The following TMEM178B variants were observed in gnomAD, a reference collection of about 807,000 sequenced individuals.
TMEM178B encodes transmembrane protein 178B.
Under a neutral mutation model 31.0 loss-of-function variants are expected in TMEM178B, and 5 were observed. The ratio of observed to expected loss-of-function variants is 0.16; its 90% CI spans 0.08 to 0.34. The LOEUF is 0.34. TMEM178B is among the 10% of genes least tolerant of loss of function. The pLI is 1.00. For synonymous variants in TMEM178B, 164 were observed against 164.0 expected (o/e 1.00, Z 0.00); for missense variants, 275 against 400.3 (o/e 0.69, Z 2.67).
At chr7:141,272,115 A>G (rs749193345) in intron 2 of TMEM178B, among the ~76,000 whole-genome samples, 2 of 152,172 alleles carry the variant, frequency 1.3e-5, no homozygotes, top group Non-Finnish European at 2.9e-5. Context: ...ACTGCTTACC[A>G]TTCACTGCCT....
At position 141,111,573 on chromosome 7, in the gene TMEM178B, G is replaced by A. The variant is rs146344592; in HGVS notation, c.382+36881G>A. 2.6e-5 allele frequency among the ~76,000 whole-genome samples: 4 copies of A among 152,304 alleles called. 1 individual carries two copies. Among genetic ancestry groups the A allele is most frequent in the African/African-American group, 9.6e-5 (4 of 41,574 alleles). On this transcript the variant is annotated intron_variant, in intron 1 of 3. Transcript: ENST00000565468. Reference sequence around the variant, plus strand: ...TGCTTTCTTTGCTGACAATTCATTAGCCTAGGGAAAGTCCCTTAAATATAG... The same window carrying A: ...TGCTTTCTTTGCTGACAATTCATTAACCTAGGGAAAGTCCCTTAAATATAG...
At position 141,472,337 on chromosome 7, in the gene TMEM178B, A is replaced by T. The variant is rs1249072223; in HGVS notation, c.*1551A>T. On this transcript the variant is annotated 3_prime_UTR_variant, in exon 4 of 4. Transcript: ENST00000565468. ...TATTCAAGGCCATGAATCCCAAAAT[A>T]ACAGTCTTAGTGGCTAGCACCCAAA... is the stretch of plus-strand genomic sequence containing the variant. 6.6e-6 allele frequency: 1 copy of T among 152,178 alleles called. No individual in the cohort carries two copies. The highest frequency in any genetic ancestry group is 1.9e-4 in the East Asian group (1 of 5,190). The allele number at this position is 152,178 out of a possible 1,614,324, so 9.4% of individuals were successfully genotyped here. A position where few individuals can be genotyped will look rare whatever the true frequency, so the allele number is the denominator to read the frequency against.
chr7:141,505,026 C>T, the TMEM178B span, among the ~76,000 whole-genome samples: 2 of 152,176 alleles, frequency 1.3e-5, no homozygotes, highest in Admixed American at 1.3e-4. Flanking sequence ...TATTTCCTTA[C>T]AGAAATAGAT....
At chr7:141,183,054 A>G (rs1005678172) in intron 1 of TMEM178B, among the ~76,000 whole-genome samples, 12 of 152,216 alleles carry the variant, frequency 7.9e-5, no homozygotes, top group Non-Finnish European at 1.3e-4. Context: ...AGACCTTTTT[A>G]CTGGAGAATC....
chr7:141,139,656 A>G (rs1254678604), intron 1 of TMEM178B, among the ~76,000 whole-genome samples: 1 of 152,100 alleles, frequency 6.6e-6, no homozygotes, highest in African/African-American at 2.4e-5. Context: ...ATTTGCTTTT[A>G]TGAAATGAAT....
chr7:141,460,894 C>T lies in TMEM178B; in HGVS notation c.635-9642C>T, dbSNP rs140417906. On this transcript the variant is annotated intron_variant, in intron 3 of 3. Transcript: ENST00000565468. ...ACATCCACCCTCCCCTGCCTCATCC[C>T]GACAAATCCCTAAGGCGCCTTTGAT... 1.9e-3 allele frequency among the ~76,000 whole-genome samples: 284 copies of T among 152,322 alleles called. 3 individuals carry two copies. The highest frequency in any genetic ancestry group is 6.5e-3 in the African/African-American group (271 of 41,570).
chr7:141,228,199 C>A (rs1489015768), intron 2 of TMEM178B, among the ~76,000 whole-genome samples: 1 of 151,976 alleles, frequency 6.6e-6, no homozygotes, highest in African/African-American at 2.4e-5. Context: ...GATCATTAAT[C>A]CATAAAAATA....
At chr7:141,101,038 C>T (rs931441660) in intron 1 of TMEM178B, among the ~76,000 whole-genome samples, 3 of 152,166 alleles carry the variant, frequency 2.0e-5, no homozygotes, top group Non-Finnish European at 2.9e-5. Flanking sequence ...TTACACCACT[C>T]CCTGGATCTT....
At chr7:141,499,595 A>G in the TMEM178B span, among the ~76,000 whole-genome samples, 5 of 152,134 alleles carry the variant, frequency 3.3e-5, no homozygotes, top group East Asian at 9.6e-4. Flanking sequence ...GCCATTTTCA[A>G]GCCACTGTAC....
chr7:141,261,750 A>G (rs969984845), intron 2 of TMEM178B, among the ~76,000 whole-genome samples: 1 of 152,124 alleles, frequency 6.6e-6, no homozygotes, highest in Non-Finnish European at 1.5e-5. Context: ...TCCAAAAGTG[A>G]AAAGAAGTGG....
intron 3 of TMEM178B, among the ~76,000 whole-genome samples, chr7:141,440,172 G>T (rs1240455033): frequency 6.6e-6 from 1 of 152,248 alleles, no homozygotes; most frequent in African/African-American, 2.4e-5. Context: ...CTTGGACCGT[G>T]CTGAGGCACC....
intron 3 of TMEM178B, among the ~76,000 whole-genome samples, chr7:141,447,955 G>C (rs1001057657): frequency 6.6e-6 from 1 of 151,906 alleles, no homozygotes; most frequent in South Asian, 2.1e-4. Flanking sequence ...ATTGTCCCAC[G>C]CTTAAATGCC....
At chr7:141,360,870 G>A (rs2116546354) in intron 2 of TMEM178B, among the ~76,000 whole-genome samples, 1 of 152,004 alleles carries the variant, frequency 6.6e-6, no homozygotes, top group Non-Finnish European at 1.5e-5. Flanking sequence ...GACATTTTTA[G>A]GAACAAAATA....
intron 1 of TMEM178B, among the ~76,000 whole-genome samples, chr7:141,154,740 T>C (rs1327222198): frequency 1.3e-5 from 2 of 151,902 alleles, no homozygotes; most frequent in African/African-American, 4.8e-5. Flanking sequence ...ACTTTTTTTT[T>C]TTTTTTTGAG....
At chr7:141,126,468 G>C (rs1795498289) in intron 1 of TMEM178B, among the ~76,000 whole-genome samples, 1 of 152,190 alleles carries the variant, frequency 6.6e-6, no homozygotes, top group Non-Finnish European at 1.5e-5. Context: ...TACGTGGAAG[G>C]CTGTCATATA....
At chr7:141,411,694 G>C (rs553881510) in intron 2 of TMEM178B, among the ~76,000 whole-genome samples, 6 of 152,326 alleles carry the variant, frequency 3.9e-5, no homozygotes, top group Admixed American at 2.0e-4. Context: ...GCACATTTAT[G>C]GAGATGGTGT....
At chr7:141,498,980 C>T in the TMEM178B span, among the ~76,000 whole-genome samples, 1 of 152,166 alleles carries the variant, frequency 6.6e-6, no homozygotes, top group Non-Finnish European at 1.5e-5. Flanking sequence ...CTAAATTAGA[C>T]TTACTTAAAA....
chr7:141,324,416 GTTTTTTTT>G (rs56316531), intron 2 of TMEM178B, among the ~76,000 whole-genome samples: 48 of 85,778 alleles, frequency 5.6e-4, no homozygotes, highest in African/African-American at 1.9e-3. Context: ...GGAGACCAGG[GTTTTTTTT>G]TTTTTTTTTT....
chr7:141,428,489 A>C (rs1234940599), intron 2 of TMEM178B, among the ~76,000 whole-genome samples: 1 of 152,154 alleles, frequency 6.6e-6, no homozygotes, highest in African/African-American at 2.4e-5. Context: ...ATTCATACTA[A>C]GAGGCAAAAT....
Sources: gnomAD v4.1 joint callset for allele counts (sites outside exome capture counted in the v4.1 genomes callset) on GRCh38, gnomAD v4.1.1 for gene constraint, MANE v1.5 for transcripts, NCBI Gene and HGNC (gene_info 2026-07-23, HGNC 2026-07-21) for gene names.